The following LRTM3 variants were observed in gnomAD, a reference collection of about 807,000 sequenced individuals.
LRTM3 encodes leucine rich repeat transmembrane protein 3, also known as leucine-rich repeat transmembrane protein 3.
chr13:102,733,002 C>T, the LRTM3 span: 6 of 1,551,310 alleles, frequency 3.9e-6, no homozygotes, highest in Middle Eastern at 1.7e-4. Context: ...TGCTTCCTTC[C>T]CCCTTTTGCA....
the LRTM3 span, chr13:102,732,747 C>G: frequency 6.4e-7 from 1 of 1,551,340 alleles, no homozygotes; most frequent in Non-Finnish European, 8.7e-7. Flanking sequence ...TTGTGCATCT[C>G]TGTTTTCTCT....
chr13:102,737,468 T>C, the LRTM3 span: 2 of 1,550,806 alleles, frequency 1.3e-6, no homozygotes, highest in South Asian at 2.4e-5. Flanking sequence ...GCCTACTCCA[T>C]CTGCTTGCTG....
the LRTM3 span, chr13:102,742,750 CTG>C: frequency 6.4e-7 from 1 of 1,550,696 alleles, no homozygotes; most frequent in Non-Finnish European, 8.7e-7. Flanking sequence ...GTCTGCCATT[CTG>C]TCTTTTCATT....
chr13:102,733,184 C>G, the LRTM3 span: 1 of 1,551,342 alleles, frequency 6.4e-7, no homozygotes, highest in Non-Finnish European at 8.7e-7. Flanking sequence ...TTCACACCGT[C>G]GGATCACTTG....
the LRTM3 span, chr13:102,742,033 C>A: frequency 6.4e-7 from 1 of 1,550,458 alleles, no homozygotes; most frequent in South Asian, 1.2e-5. Flanking sequence ...TTAGTGGTTT[C>A]TCCAGCTTTG....
At chr13:102,733,148 G>A in the LRTM3 span, 5 of 1,551,356 alleles carry the variant, frequency 3.2e-6, no homozygotes, top group East Asian at 1.2e-4. Flanking sequence ...AGAAAGGATA[G>A]TGTTCGTCCT....
the LRTM3 span, chr13:102,747,028 A>G: frequency 1.3e-6 from 2 of 1,551,262 alleles, no homozygotes; most frequent in East Asian, 2.4e-5. Flanking sequence ...CTAGATGTGC[A>G]TCAAGTCCAA....
the LRTM3 span, chr13:102,736,794 T>C: frequency 6.4e-7 from 1 of 1,551,130 alleles, no homozygotes; most frequent in Non-Finnish European, 8.7e-7. Flanking sequence ...GCTTTATCCT[T>C]TTGGATCTGG....
the LRTM3 span, among the ~76,000 whole-genome samples, chr13:102,757,553 C>A: frequency 2.2e-4 from 33 of 152,216 alleles, no homozygotes; most frequent in Admixed American, 5.2e-4. Flanking sequence ...ATTCCAGCAA[C>A]TCTGAAATAA....
chr13:102,736,288 C>A, the LRTM3 span: 1 of 1,551,098 alleles, frequency 6.4e-7, no homozygotes, highest in East Asian at 2.4e-5. Flanking sequence ...TCATGCCCCA[C>A]TGTGGCTCCT....
the LRTM3 span, chr13:102,747,922 C>T: frequency 1.3e-6 from 2 of 1,550,994 alleles, no homozygotes; most frequent in Non-Finnish European, 1.7e-6. Context: ...GTATGCTGAA[C>T]CTGAAGCCTT....
the LRTM3 span, chr13:102,748,330 A>C: frequency 1.3e-6 from 2 of 1,550,994 alleles, no homozygotes; most frequent in Non-Finnish European, 8.7e-7. Flanking sequence ...TATTCACTTG[A>C]ATTTTTATGG....
the LRTM3 span, chr13:102,734,700 T>C: frequency 1.3e-6 from 2 of 1,551,226 alleles, no homozygotes; most frequent in South Asian, 2.4e-5. Context: ...CTCCGCAAAA[T>C]AGGTCTTTTA....
At chr13:102,740,363 G>A in the LRTM3 span, 361 of 1,550,084 alleles carry the variant, frequency 2.3e-4, 2 homozygotes, top group African/African-American at 4.4e-3. Context: ...TAGCTGATCT[G>A]CAGAAAACAA....
chr13:102,755,959 A>ATTT, the LRTM3 span, among the ~76,000 whole-genome samples: 3 of 70,282 alleles, frequency 4.3e-5, no homozygotes, highest in African/African-American at 1.9e-4. Context: ...ATATATATAT[A>ATTT]TATTTTTTTT....
the LRTM3 span, chr13:102,750,288 A>G: frequency 9.9e-4 from 1,541 of 1,549,704 alleles, 2 homozygotes; most frequent in Admixed American, 3.3e-3. Flanking sequence ...GTACCTGACC[A>G]TAGTATTTCA....
the LRTM3 span, chr13:102,749,253 C>G: frequency 2.6e-6 from 4 of 1,550,496 alleles, no homozygotes; most frequent in African/African-American, 2.7e-5. Flanking sequence ...CTTTTACTGT[C>G]TGGTGTTTTT....
At chr13:102,733,612 A>T in the LRTM3 span, 1 of 1,551,318 alleles carries the variant, frequency 6.4e-7, no homozygotes, top group Non-Finnish European at 8.7e-7. Flanking sequence ...AAAGAAACGC[A>T]GTTAAAGTTT....
chr13:102,734,225 G>A, the LRTM3 span: 3 of 1,551,304 alleles, frequency 1.9e-6, no homozygotes, highest in Non-Finnish European at 2.6e-6. Context: ...TTCTTTCTGT[G>A]ACCTATGTGG....
Sources: allele counts gnomAD v4.1 joint callset (sites outside exome capture counted in the v4.1 genomes callset), GRCh38; gene constraint gnomAD v4.1.1; transcripts MANE v1.5; gene names NCBI Gene and HGNC (gene_info 2026-07-23, HGNC 2026-07-21).